KPNA4: variants seen among roughly 807,000 people sequenced by gnomAD.
The protein encoded by KPNA4 is importin subunit alpha-3.
In KPNA4, 13 loss-of-function variants were observed where a neutral mutation model predicts 71.3. The ratio of observed to expected loss-of-function variants is 0.18; its 90% CI spans 0.12 to 0.29. KPNA4 has a LOEUF of 0.29. KPNA4 is among the 10% of genes least tolerant of loss of function. The pLI is 1.00. For missense variants in KPNA4, 334 were observed against 603.2 expected (o/e 0.55, Z 4.67); for synonymous variants, 189 against 195.2 (o/e 0.97, Z 0.26).
Position 160,498,183 on chromosome 3 carries a change from T to C in KPNA4, c.*3921A>G, listed in dbSNP as rs1720803818. On this transcript the variant is annotated 3_prime_UTR_variant, in exon 17 of 17. Transcript: ENST00000334256. ...GGACAGACTGTAATTCATGGACTCT[T>C]ATGAATCCCCTAAAACTGTATGAAA... The C allele has an allele frequency of 6.6e-6, 1 of 152,136 alleles. No individual in the cohort carries two copies. The highest frequency in any genetic ancestry group is 1.5e-5 in the Non-Finnish European group (1 of 68,026). The allele number at this position is 152,136 out of a possible 1,614,324, so 9.4% of individuals were successfully genotyped here.
chr3:160,527,789 T>C (rs770945060), intron 8 of KPNA4, among the ~76,000 whole-genome samples, 164 bp downstream of exon 8: 1 of 152,198 alleles, frequency 6.6e-6, no homozygotes, highest in African/African-American at 2.4e-5. Flanking sequence ...CTATTTACTA[T>C]GACTTTATGC....
chr3:160,554,944 TA>T (rs1201334305), intron 1 of KPNA4, among the ~76,000 whole-genome samples: 1 of 152,228 alleles, frequency 6.6e-6, no homozygotes, highest in Admixed American at 6.5e-5. Flanking sequence ...TCCAGCAAGC[TA>T]ATTGAACCCA....
At position 160,537,828 on chromosome 3, in the gene KPNA4, C is replaced by T. The variant is rs569284644; in HGVS notation, c.70-988G>A. 1.2e-4 allele frequency among the ~76,000 whole-genome samples: 18 copies of T among 151,888 alleles called. No homozygotes were observed. In the South Asian group the frequency reaches 3.5e-3, roughly 30 times the overall value. On this transcript the variant is annotated intron_variant, in intron 1 of 16. Coordinates refer to ENST00000334256, the MANE Select transcript of KPNA4 (RefSeq NM_002268.5). ...CTGTCAGCAAATCCTGTTGGTTCAA[C>T]CTTCAAGACATACAATCCAAACACA...
At chr3:160,511,913 T>TA (rs1374797125) in intron 13 of KPNA4, among the ~76,000 whole-genome samples, 1 of 151,936 alleles carries the variant, frequency 6.6e-6, no homozygotes, top group Non-Finnish European at 1.5e-5. Context: ...ATTTTCAGCA[T>TA]AAAAGAGATG....
intron 11 of KPNA4, among the ~76,000 whole-genome samples, chr3:160,520,131 C>G (rs1189034535): frequency 2.0e-5 from 3 of 152,008 alleles, no homozygotes; most frequent in Non-Finnish European, 4.4e-5. Flanking sequence ...AAACAAAATA[C>G]AAACCAAAAT....
At chr3:160,540,889 AT>A (rs753901310) in intron 1 of KPNA4, among the ~76,000 whole-genome samples, 7 of 152,194 alleles carry the variant, frequency 4.6e-5, no homozygotes, top group Non-Finnish European at 7.3e-5. Context: ...TCACTCAGGT[AT>A]TTTATATTTC....
At position 160,516,442 on chromosome 3, in the gene KPNA4, TA is replaced by T. The variant is rs112115015; in HGVS notation, c.904-863del. On this transcript the variant is annotated intron_variant, in intron 11 of 16. Transcript: ENST00000334256. ...AGAAGGATAATTTTAGATAGTGCCA[TA>T]AAAAAAAAAAAGACAGAACTTTAGA... 7.2e-4 allele frequency among the ~76,000 whole-genome samples: 104 copies of T among 145,358 alleles called. 1 individual carries two copies. The highest frequency in any genetic ancestry group is 1.1e-3 in the African/African-American group (42 of 39,400).
intron 1 of KPNA4, among the ~76,000 whole-genome samples, chr3:160,538,178 CAT>C (rs778926308): frequency 1.4e-4 from 21 of 149,296 alleles, no homozygotes; most frequent in African/African-American, 3.4e-4. Context: ...TATATATGTA[CAT>C]ATATATACAT....
chr3:160,522,320 T>A (rs1160101538), intron 10 of KPNA4, among the ~76,000 whole-genome samples: 1 of 152,254 alleles, frequency 6.6e-6, no homozygotes, highest in Non-Finnish European at 1.5e-5. Flanking sequence ...CTGGGCTAGA[T>A]GAATATATTC....
Position 160,512,227 on chromosome 3 carries a change from T to G in KPNA4, c.1137+1850A>C, listed in dbSNP as rs547587307. On this transcript the variant is annotated intron_variant, in intron 13 of 16. Transcript: ENST00000334256. Reference sequence around the variant, plus strand: ...TTCCAGTTCTAGATCAGAAAACATGTAAGATAGGCCTGGGAATCATGTCAT... The same window carrying G: ...TTCCAGTTCTAGATCAGAAAACATGGAAGATAGGCCTGGGAATCATGTCAT... Among the ~76,000 whole-genome samples, 5 of 152,234 alleles carry G rather than the reference T, an allele frequency of 3.3e-5. No homozygotes were observed. In the East Asian group the frequency reaches 9.6e-4, roughly 29 times the overall value.
chr3:160,511,686 T>C (rs1381290650), intron 13 of KPNA4, among the ~76,000 whole-genome samples: 2 of 150,118 alleles, frequency 1.3e-5, no homozygotes, highest in Non-Finnish European at 3.0e-5. Flanking sequence ...GTAGTCATGT[T>C]GTCAGGGGCA....
At chr3:160,524,003 G>C (rs560892759) in intron 10 of KPNA4, among the ~76,000 whole-genome samples, 4 of 152,250 alleles carry the variant, frequency 2.6e-5, no homozygotes, top group South Asian at 4.1e-4. Context: ...CAAGTTACTT[G>C]CTCATAACTG....
chr3:160,552,447 C>T (rs895664740), intron 1 of KPNA4, among the ~76,000 whole-genome samples: 4 of 152,044 alleles, frequency 2.6e-5, no homozygotes, highest in African/African-American at 9.7e-5. Flanking sequence ...TCATTTAATT[C>T]CCTCAAATAT....
intron 5 of KPNA4, among the ~76,000 whole-genome samples, chr3:160,531,852 G>A (rs1452727573): frequency 1.3e-5 from 2 of 152,082 alleles, no homozygotes; most frequent in Non-Finnish European, 2.9e-5. Flanking sequence ...GAGTGCAGTG[G>A]CACAGTCTTG....
rs568498056 is a variant in KPNA4 at position 160,498,963 on chromosome 3, A to G, written c.*3141T>C. The G allele has an allele frequency of 6.6e-6, 1 of 152,360 alleles. No individual in the cohort carries two copies. Among genetic ancestry groups the G allele is most frequent in the South Asian group, 2.1e-4 (1 of 4,830 alleles). The allele number at this position is 152,360 out of a possible 1,614,324, so 9.4% of individuals were successfully genotyped here. On this transcript the variant is annotated 3_prime_UTR_variant, in exon 17 of 17. Coordinates refer to ENST00000334256, the MANE Select transcript of KPNA4 (RefSeq NM_002268.5). ...TTCCTTGAGGAAACTGAGGCAATGG[A>G]GAATCCAAAAAGGGTGCCCCCATAA...
intron 1 of KPNA4, among the ~76,000 whole-genome samples, chr3:160,561,155 T>C (rs1722236510): frequency 6.6e-6 from 1 of 151,546 alleles, no homozygotes. Flanking sequence ...ATATTTAGGG[T>C]AAGTTGTTTT....
intron 16 of KPNA4, 52 bp from the exon 17 acceptor site, chr3:160,502,254 A>T (rs756928154): frequency 4.0e-6 from 4 of 996,164 alleles, no homozygotes; most frequent in Non-Finnish European, 6.0e-6. Flanking sequence ...AAATATATAT[A>T]AACAGTATTA....
intron 8 of KPNA4, 144 bp from the exon 9 acceptor site, chr3:160,526,251 A>G (rs2108550409): frequency 1.9e-6 from 1 of 531,570 alleles, no homozygotes; most frequent in East Asian, 3.3e-5. Flanking sequence ...GCAGGCTCAC[A>G]TTCAAGGTCT....
chr3:160,526,836 A>G (rs1721468672), intron 8 of KPNA4, among the ~76,000 whole-genome samples: 1 of 152,224 alleles, frequency 6.6e-6, no homozygotes, highest in Non-Finnish European at 1.5e-5. Flanking sequence ...ATTCATGTTA[A>G]TTACGGAATG....
Sources: gnomAD v4.1 joint callset for allele counts (sites outside exome capture counted in the v4.1 genomes callset) on GRCh38, gnomAD v4.1.1 for gene constraint, MANE v1.5 for transcripts, NCBI Gene and HGNC (gene_info 2026-07-23, HGNC 2026-07-21) for gene names.